The following KDM2A variants were observed in gnomAD, a reference collection of about 807,000 sequenced individuals.
KDM2A encodes the protein lysine-specific demethylase 2A.
KDM2A carries 3 observed loss-of-function variants against 137.3 expected under a neutral mutation model. The observed-to-expected ratio is 0.02, with a 90% CI of 0.01 to 0.06. The LOEUF (loss-of-function observed/expected upper bound fraction) is 0.06, where lower values mean the gene tolerates loss of function less well. Among genes scored for constraint, KDM2A ranks in the 10% least tolerant of loss-of-function variants. The pLI is 1.00. For missense variants in KDM2A, 738 were observed against 1,510.6 expected (o/e 0.49, Z 8.48); for synonymous variants, 512 against 541.5 (o/e 0.95, Z 0.76).
chr11:67,141,256 C>G (rs955364703), intron 2 of KDM2A, among the ~76,000 whole-genome samples: 2 of 152,030 alleles, frequency 1.3e-5, no homozygotes, highest in African/African-American at 4.8e-5. Context: ...ACATGTGATA[C>G]TTTATTAGAT....
intron 6 of KDM2A, among the ~76,000 whole-genome samples, chr11:67,209,141 C>T (rs1857901620): frequency 6.6e-6 from 1 of 151,878 alleles, no homozygotes; most frequent in South Asian, 2.1e-4. Context: ...TCATGTTGGC[C>T]AGGCTGGTCT....
chr11:67,150,357 C>T (rs1311716147), intron 2 of KDM2A, among the ~76,000 whole-genome samples: 1 of 152,164 alleles, frequency 6.6e-6, no homozygotes, highest in Non-Finnish European at 1.5e-5. Flanking sequence ...TTTACCACCA[C>T]CTTGTTGGGC....
chr11:67,169,383 T>C (rs1258046553), intron 2 of KDM2A, among the ~76,000 whole-genome samples: 1 of 149,872 alleles, frequency 6.7e-6, no homozygotes, highest in African/African-American at 2.4e-5. Flanking sequence ...TCTTTTTCTT[T>C]TTTTTTTTTT....
intron 2 of KDM2A, among the ~76,000 whole-genome samples, chr11:67,168,545 TACACAC>T (rs34544708): frequency 2.3e-4 from 25 of 110,014 alleles, no homozygotes; most frequent in South Asian, 1.4e-3. Context: ...TGAATTATAA[TACACAC>T]ACACACACAC....
intron 2 of KDM2A, among the ~76,000 whole-genome samples, chr11:67,135,365 A>T (rs775998377): frequency 5.3e-5 from 8 of 152,194 alleles, no homozygotes; most frequent in Non-Finnish European, 1.2e-4. Flanking sequence ...CGCCCAGCAC[A>T]GATTTCCTTT....
chr11:67,188,564 G>C (rs1857265660), intron 5 of KDM2A, among the ~76,000 whole-genome samples: 1 of 151,526 alleles, frequency 6.6e-6, no homozygotes, highest in East Asian at 2.0e-4. Context: ...GCCAAGGCGG[G>C]AAGATTGCTT....
intron 2 of KDM2A, among the ~76,000 whole-genome samples, chr11:67,178,531 G>C (rs1370160345): frequency 6.6e-6 from 1 of 152,114 alleles, no homozygotes; most frequent in African/African-American, 2.4e-5. Flanking sequence ...ACTATTAACA[G>C]TCACTTCTCC....
At chr11:67,191,113 G>A (rs1032509261) in intron 5 of KDM2A, among the ~76,000 whole-genome samples, 3 of 151,846 alleles carry the variant, frequency 2.0e-5, no homozygotes, top group Non-Finnish European at 2.9e-5. Context: ...GCGCGATCTC[G>A]GCTCACTGCA....
rs760260853 is a variant in KDM2A at position 67,250,231 on chromosome 11, G to T, written c.2201G>T (p.Gly734Val). 3.1e-6 allele frequency: 5 copies of T among 1,613,866 alleles called. No homozygotes were observed. Among genetic ancestry groups the T allele is most frequent in the African/African-American group, 1.3e-5 (1 of 75,022 alleles). Residue 734 changes from glycine to valine, a missense_variant, in exon 17 of 21, where the codon GGT becomes GTT. Gly to Val is a moderately radical substitution (Grantham distance 109, BLOSUM62 -3). Around this residue, in one of 9 missense-constraint regions of KDM2A, gnomAD observed 244 missense variants for 324.6 expected, o/e 0.75. Coordinates refer to ENST00000529006, the MANE Select transcript of KDM2A (RefSeq NM_012308.3). The surrounding 1 kb of genome is among the most constrained non-coding windows in gnomAD (Gnocchi z 7.1). The part of the protein sequence containing the change: ...QLIHDPVSPR[G>V]MVTRSSPGAG... Reference sequence around the variant, plus strand: ...ATCCATGACCCGGTTTCCCCCCGGGGTATGGTGACTCGGTCATCCCCTGGG... The same window carrying T: ...ATCCATGACCCGGTTTCCCCCCGGGTTATGGTGACTCGGTCATCCCCTGGG...
At chr11:67,201,202 AAATAT>A (rs1857612647) in intron 5 of KDM2A, among the ~76,000 whole-genome samples, 1 of 66,436 alleles carries the variant, frequency 1.5e-5, no homozygotes, top group Non-Finnish European at 2.9e-5. Context: ...TCAAAAAAAA[AAATAT>A]ATATATATAT....
chr11:67,187,239 T>C (rs923570407), intron 5 of KDM2A, among the ~76,000 whole-genome samples: 1 of 152,134 alleles, frequency 6.6e-6, no homozygotes, highest in Non-Finnish European at 1.5e-5. Context: ...TTTAGGAAAA[T>C]GAGGAACAAA....
intron 2 of KDM2A, among the ~76,000 whole-genome samples, chr11:67,124,315 T>A (rs1353967468): frequency 1.3e-5 from 2 of 150,304 alleles, no homozygotes; most frequent in East Asian, 2.0e-4. Context: ...CACTTTATTT[T>A]TATATATATT....
chr11:67,253,738 A>G (rs966969366), intron 19 of KDM2A, 127 bp downstream of exon 19: 18 of 960,742 alleles, frequency 1.9e-5, no homozygotes, highest in Admixed American at 6.9e-5. Context: ...GCACAAAATG[A>G]AAACAGAATG....
chr11:67,177,449 A>G (rs570704208), intron 2 of KDM2A, among the ~76,000 whole-genome samples: 7 of 152,284 alleles, frequency 4.6e-5, no homozygotes, highest in Admixed American at 2.6e-4. Flanking sequence ...TTTGTCTACT[A>G]AAGTTTTTTT....
At chr11:67,164,438 AT>A (rs1257456476) in intron 2 of KDM2A, among the ~76,000 whole-genome samples, 1 of 152,114 alleles carries the variant, frequency 6.6e-6, no homozygotes, top group Non-Finnish European at 1.5e-5. Context: ...TGGCTTGTGT[AT>A]AACTGTTCAT....
intron 15 of KDM2A, among the ~76,000 whole-genome samples, chr11:67,246,555 T>TGCAGCAGCTAA (rs1360266624): frequency 6.6e-6 from 1 of 151,766 alleles, no homozygotes; most frequent in Non-Finnish European, 1.5e-5. Context: ...TCAGACTCAG[T>TGCAGCAGCTAA]GCAGAGCTAA....
intron 12 of KDM2A, among the ~76,000 whole-genome samples, chr11:67,234,847 T>C (rs1363615228): frequency 6.6e-6 from 1 of 151,412 alleles, no homozygotes; most frequent in African/African-American, 2.4e-5. Flanking sequence ...AGTGAGACCT[T>C]GTCTCAAAAA....
intron 2 of KDM2A, among the ~76,000 whole-genome samples, chr11:67,131,197 G>A (rs1855846355): frequency 1.3e-5 from 2 of 151,688 alleles, no homozygotes; most frequent in Non-Finnish European, 2.9e-5. Flanking sequence ...GGTGGTGCAC[G>A]CCTGTAGTCC....
At chr11:67,231,150 A>G (rs997504610) in intron 11 of KDM2A, among the ~76,000 whole-genome samples, 3 of 152,008 alleles carry the variant, frequency 2.0e-5, no homozygotes, top group Non-Finnish European at 4.4e-5. Flanking sequence ...ATGGGGTCTC[A>G]CTATGTTGCC....
Sources: allele counts gnomAD v4.1 joint callset (sites outside exome capture counted in the v4.1 genomes callset), GRCh38; gene constraint gnomAD v4.1.1; regional missense constraint gnomAD v4.1.1; non-coding constraint Gnocchi (gnomAD v3.1); transcripts MANE v1.5; gene names NCBI Gene and HGNC (gene_info 2026-07-23, HGNC 2026-07-21).